The following C19orf81 variants were observed in gnomAD, a reference collection of about 807,000 sequenced individuals.
C19orf81 encodes the protein chromosome 19 open reading frame 81, also known as putative uncharacterized protein C19orf81.
A neutral mutation model predicts 22.1 loss-of-function variants in C19orf81; 19 were observed. The observed-to-expected ratio is 0.86, with a 90% CI of 0.60 to 1.26. The LOEUF is 1.26. Ranked by LOEUF, C19orf81 falls within the 50% of genes most tolerant of loss-of-function variation. The probability of loss-of-function intolerance (pLI) is 0.00; values close to 1 mark genes in which losing one functional copy is unlikely to be tolerated. For synonymous variants in C19orf81, 108 were observed against 113.1 expected (o/e 0.95, Z 0.29); for missense variants, 287 against 280.7 (o/e 1.02, Z -0.16).
rs1241397202 is a variant in C19orf81, at chr19:50,658,148, G to A, written c.401+20G>A. On this transcript the variant is annotated intron_variant, in intron 4 of 4. Transcript: ENST00000425202. ...GAACCGGTGAGTAAGCGGCGGGGGC[G>A]GGGCCTGGAGCGAGCGGGAGGGGCG... The A allele has an allele frequency of 6.6e-7, 1 of 1,526,318 alleles. No homozygotes were observed. The highest frequency in any genetic ancestry group is 2.0e-5 in the Admixed American group (1 of 49,500). The allele number at this position is 1,526,318 out of a possible 1,614,324, so 94.5% of individuals were successfully genotyped here. A position where few individuals can be genotyped will look rare whatever the true frequency, so the allele number is the denominator to read the frequency against.
rs1257264275 is a variant in C19orf81 at position 50,656,091 on chromosome 19, G to C, written c.109G>C (p.Ala37Pro). The C allele has an allele frequency of 6.5e-7, 1 of 1,536,002 alleles. No individual in the cohort carries two copies. The change falls in exon 2 of 5, where the codon GCT (alanine) becomes CCT (proline). Residue 37 changes from alanine to proline, a missense_variant. Physicochemically the swap from Ala to Pro is conservative, Grantham distance 27. Coordinates refer to ENST00000425202, the MANE Select transcript of C19orf81 (RefSeq NM_001195076.2). ...CCTGGAGACCCCAGAGGAGATGCAG[G>C]CTCGGAGCCTGGGCAGGCCCATCAA... ...MDLETPEEMQ[A>P]RSLGRPIKSS...
intron 4 of C19orf81, among the ~76,000 whole-genome samples, 152 bp from the exon 5 acceptor site, chr19:50,658,795 G>A (rs536538993): frequency 9.9e-4 from 151 of 152,210 alleles, no homozygotes; most frequent in African/African-American, 3.6e-3. Flanking sequence ...CAGGCGAGAG[G>A]GCAGGGCTGG....
At chr19:50,651,469 C>T (rs570637062) in intron 1 of C19orf81, among the ~76,000 whole-genome samples, 3 of 152,310 alleles carry the variant, frequency 2.0e-5, no homozygotes, top group Non-Finnish European at 4.4e-5. Flanking sequence ...TTGAAACACA[C>T]ATTGCCCTTT....
Position 50,657,979 on chromosome 19 carries a change from A to G in C19orf81, c.262-10A>G. 1.3e-6 allele frequency: 2 copies of G among 1,520,544 alleles called. No homozygotes were observed. The highest frequency in any genetic ancestry group is 8.8e-7 in the Non-Finnish European group (1 of 1,139,176). 94.2% of individuals were successfully genotyped at this position (1,520,544 alleles called of 1,614,324 possible). The stretch of plus-strand genomic sequence containing the variant: ...GCCACGGGCTGAGGTTCTCTCTCCG[A>G]CACCCGCAGCCCGAGGAGGATTTTA... On this transcript the variant is annotated splice_polypyrimidine_tract_variant and intron_variant, in intron 3 of 4. Coordinates refer to ENST00000425202, the MANE Select transcript of C19orf81 (RefSeq NM_001195076.2).
At chr19:50,652,925 T>TCCAAA (rs1984908731) in intron 1 of C19orf81, among the ~76,000 whole-genome samples, 1 of 152,216 alleles carries the variant, frequency 6.6e-6, no homozygotes, top group Admixed American at 6.5e-5. Flanking sequence ...TTTTGTGCTG[T>TCCAAA]GTGACTTTGG....
intron 3 of C19orf81, among the ~76,000 whole-genome samples, chr19:50,657,271 C>T (rs1407750354): frequency 6.6e-6 from 1 of 152,176 alleles, no homozygotes; most frequent in African/African-American, 2.4e-5. Context: ...TCAGTCTCCA[C>T]CCCATCACTC....
chr19:50,656,278 C>T lies in C19orf81; in HGVS notation c.193C>T (p.Leu65Phe), dbSNP rs991076028. 35 of 1,536,074 alleles carry T rather than the reference C, an allele frequency of 2.3e-5. No individual in the cohort carries two copies. Among genetic ancestry groups the T allele is most frequent in the African/African-American group, 1.4e-4 (10 of 73,072 alleles). ...AGAGTACGAGGCACTGGACCGAGAA[C>T]TCCCGTGCATCCGGAAGTTCCCCAC... Reference protein sequence around the residue: ...IAEYEALDRELPCIRKFPTPP... With the variant: ...IAEYEALDREFPCIRKFPTPP... Residue 65 changes from leucine to phenylalanine, a missense_variant, in exon 3 of 5, where the codon CTC (leucine) becomes TTC (phenylalanine). Physicochemically the swap from Leu to Phe is conservative, Grantham distance 22. Transcript: ENST00000425202.
At chr19:50,654,343 C>T in intron 1 of C19orf81, among the ~76,000 whole-genome samples, 1 of 152,040 alleles carries the variant, frequency 6.6e-6, no homozygotes, top group Non-Finnish European at 1.5e-5. Context: ...CACTCTGTCG[C>T]CCAGGCTGGA....
At chr19:50,655,475 C>T (rs1984974165) in intron 1 of C19orf81, among the ~76,000 whole-genome samples, 1 of 151,944 alleles carries the variant, frequency 6.6e-6, no homozygotes, top group Non-Finnish European at 1.5e-5. Flanking sequence ...ACAGTGAAAC[C>T]CCGTCTCTAC....
intron 1 of C19orf81, among the ~76,000 whole-genome samples, chr19:50,650,397 G>A (rs1984851672): frequency 6.6e-6 from 1 of 152,242 alleles, no homozygotes; most frequent in Non-Finnish European, 1.5e-5. Flanking sequence ...AGGACTGGGT[G>A]TGGTGGCTCA....
In C19orf81 at chr19:50,656,275, G is replaced by A. The variant is rs1364412327; in HGVS notation, c.190G>A (p.Glu64Lys). The A allele has an allele frequency of 1.3e-6, 2 of 1,536,060 alleles. No individual in the cohort carries two copies. The highest frequency in any genetic ancestry group is 2.0e-5 in the Admixed American group (1 of 50,978). ...VIAEYEALDR[E>K]LPCIRKFPTP... Reference sequence around the variant, plus strand: ...TGCAGAGTACGAGGCACTGGACCGAGAACTCCCGTGCATCCGGAAGTTCCC... The same window carrying A: ...TGCAGAGTACGAGGCACTGGACCGAAAACTCCCGTGCATCCGGAAGTTCCC... Residue 64 changes from glutamate to lysine, a missense_variant, in exon 3 of 5, where the codon GAA becomes AAA. Coordinates refer to ENST00000425202, the MANE Select transcript of C19orf81 (RefSeq NM_001195076.2).
Position 50,653,187 on chromosome 19 carries a change from G to A in C19orf81, c.68-2863G>A, listed in dbSNP as rs1037901092. Among the ~76,000 whole-genome samples the A allele has an allele frequency of 3.9e-5, 6 of 152,084 alleles. No individual in the cohort carries two copies. The South Asian group carries it at 1.2e-3, about 32-fold the overall frequency. On this transcript the variant is annotated intron_variant, in intron 1 of 4. Transcript: ENST00000425202. ...GGAGTACCTAAGACTACAGGTGCGC[G>A]CTACCATGCCCGCCTAATTTTTTGT...
At position 50,655,316 on chromosome 19, in the gene C19orf81, T is replaced by G. The variant is rs140692214; in HGVS notation, c.68-734T>G. On this transcript the variant is annotated intron_variant, in intron 1 of 4. Transcript: ENST00000425202. Reference sequence around the variant, plus strand: ...GTCCATATTTGAGAACTGTTATCTGTGAAGTTCCAATCAGGAGACTGATTC... The same window carrying G: ...GTCCATATTTGAGAACTGTTATCTGGGAAGTTCCAATCAGGAGACTGATTC... 4.2e-4 allele frequency among the ~76,000 whole-genome samples: 64 copies of G among 152,144 alleles called. No homozygotes were observed. The East Asian group carries it at 0.011, about 26-fold the overall frequency.
chr19:50,658,908 G>A, intron 4 of C19orf81, 39 bp from the exon 5 acceptor site: 2 of 1,398,414 alleles, frequency 1.4e-6, no homozygotes, highest in African/African-American at 1.5e-5. Context: ...GGGCTGAAAC[G>A]ACCTGCGAGT....
At chr19:50,657,258 G>A (rs920435842) in intron 3 of C19orf81, among the ~76,000 whole-genome samples, 2 of 152,088 alleles carry the variant, frequency 1.3e-5, no homozygotes, top group Non-Finnish European at 2.9e-5. Context: ...CTCGTTTTAG[G>A]GATCAGTCTC....
At chr19:50,656,930 T>C (rs1281240281) in intron 3 of C19orf81, among the ~76,000 whole-genome samples, 13 of 135,836 alleles carry the variant, frequency 9.6e-5, no homozygotes, top group African/African-American at 3.4e-4. Context: ...CCAGCCTGGG[T>C]GACAAAGTGA....
chr19:50,658,526 G>A lies in C19orf81; in HGVS notation c.401+398G>A, dbSNP rs560305879. 9.0e-5 allele frequency: 24 copies of A among 265,508 alleles called. No homozygotes were observed. In the East Asian group the frequency reaches 1.7e-3, roughly 19 times the overall value. The allele number at this position is 265,508 out of a possible 1,614,324, so 16.4% of individuals were successfully genotyped here. On this transcript the variant is annotated intron_variant, in intron 4 of 4. Transcript: ENST00000425202. ...GGATCTCGAGTGAGTAGGGGCCCGA[G>A]TTTGAGTGACCCAGTAGTGACCGGG... is the stretch of plus-strand genomic sequence containing the variant.
rs566579574 is a variant in C19orf81, at chr19:50,657,866, T to C, written c.262-123T>C. 172 of 1,294,724 alleles carry C rather than the reference T, an allele frequency of 1.3e-4. No individual in the cohort carries two copies. The African/African-American group carries it at 2.5e-3, about 19-fold the overall frequency. The allele number at this position is 1,294,724 out of a possible 1,614,324, so 80.2% of individuals were successfully genotyped here. On this transcript the variant is annotated intron_variant, in intron 3 of 4. Coordinates refer to ENST00000425202, the MANE Select transcript of C19orf81 (RefSeq NM_001195076.2). ...GTACCCTGGGATTAAGAGCGATCCT[T>C]GCCCCTCAAATGCCACCTGGAACTC... is the stretch of plus-strand genomic sequence containing the variant.
intron 1 of C19orf81, among the ~76,000 whole-genome samples, chr19:50,651,735 C>T (rs1434282266): frequency 6.6e-6 from 1 of 151,674 alleles, no homozygotes; most frequent in Non-Finnish European, 1.5e-5. Flanking sequence ...GAAATGGTTG[C>T]ATTTCCTCAA....
Sources: allele counts gnomAD v4.1 joint callset (sites outside exome capture counted in the v4.1 genomes callset), GRCh38; gene constraint gnomAD v4.1.1; transcripts MANE v1.5; gene names NCBI Gene and HGNC (gene_info 2026-07-23, HGNC 2026-07-21).